DARS2: variants seen among roughly 807,000 people sequenced by gnomAD.
DARS2 encodes the protein aspartate--tRNA ligase, mitochondrial.
A neutral mutation model predicts 83.0 loss-of-function variants in DARS2; 63 were observed. The ratio of observed to expected loss-of-function variants is 0.76; its 90% CI spans 0.62 to 0.94. The LOEUF (loss-of-function observed/expected upper bound fraction) is 0.94, where lower values mean the gene tolerates loss of function less well. Among genes scored for constraint, DARS2 ranks in the 40% least tolerant of loss-of-function variants. The pLI is 0.00. For synonymous variants in DARS2, 250 were observed against 269.3 expected (o/e 0.93, Z 0.70); for missense variants, 675 against 774.4 (o/e 0.87, Z 1.52).
rs140743566 is a variant in DARS2, at chr1:173,858,347, C to A, written c.*642C>A. ...ATACATACTTGCCCTGGCTACCTCACCGGGCTGTTATTGCTGGAATCAGAG... is the reference window on the plus strand; with the variant it reads ...ATACATACTTGCCCTGGCTACCTCAACGGGCTGTTATTGCTGGAATCAGAG... On this transcript the variant is annotated 3_prime_UTR_variant, in exon 17 of 17. Coordinates refer to ENST00000649689, the MANE Select transcript of DARS2 (RefSeq NM_018122.5). The A allele has an allele frequency of 3.9e-3, 596 of 153,854 alleles. 15 individuals are homozygous for A. The highest frequency in any genetic ancestry group is 0.032 in the Admixed American group (497 of 15,612). The allele number at this position is 153,854 out of a possible 1,614,324, so 9.5% of individuals were successfully genotyped here. A position where few individuals can be genotyped will look rare whatever the true frequency, so the allele number is the denominator to read the frequency against.
rs375997788 is a variant in DARS2, at chr1:173,845,178, A to T, written c.1129-51A>T. The T allele has an allele frequency of 8.4e-4, 893 of 1,061,894 alleles. 1 individual carries two copies. Among genetic ancestry groups the T allele is most frequent in the Non-Finnish European group, 1.2e-3 (843 of 678,624 alleles). The allele number at this position is 1,061,894 out of a possible 1,614,324, so 65.8% of individuals were successfully genotyped here. On this transcript the variant is annotated intron_variant, in intron 11 of 16. Transcript: ENST00000649689. ...GTCATTTGATCGCATAACCATGTTT[A>T]TGAAGCTAAGTGTCATACTGACAAG...
intron 15 of DARS2, among the ~76,000 whole-genome samples, chr1:173,855,062 C>T (rs11588549): frequency 0.055 from 8,307 of 151,884 alleles, 329 homozygotes; most frequent in Non-Finnish European, 0.084. Context: ...AGCTTTAAGC[C>T]TTCAGAGTCC....
Position 173,826,787 on chromosome 1 carries a change from G to C in DARS2, c.227+1G>C. ...TGTGTGGATGGATTCAGTACCGAAG[G>C]TAAATTGAGAAAGACAGTCTAAGAA... is the stretch of plus-strand genomic sequence containing the variant. On this transcript the variant is annotated splice_donor_variant, in intron 2 of 16. Coordinates refer to ENST00000649689, the MANE Select transcript of DARS2 (RefSeq NM_018122.5). LOFTEE classifies it high-confidence loss of function. 6.2e-7 allele frequency: 1 copy of C among 1,606,802 alleles called. No individual in the cohort carries two copies.
chr1:173,833,168 A>G lies in DARS2; in HGVS notation c.493-208A>G, dbSNP rs1209055609. 1.3e-5 allele frequency among the ~76,000 whole-genome samples: 2 copies of G among 152,184 alleles called. 1 individual carries two copies. The highest frequency in any genetic ancestry group is 2.9e-5 in the Non-Finnish European group (2 of 68,024). On this transcript the variant is annotated intron_variant, in intron 5 of 16. Transcript: ENST00000649689. Reference sequence around the variant, plus strand: ...GGCAAATTTCAGTCAGTGAAGAGTGATATTATTAATAATGAATAGTAAAAA... The same window carrying G: ...GGCAAATTTCAGTCAGTGAAGAGTGGTATTATTAATAATGAATAGTAAAAA...
At chr1:173,850,257 T>G in intron 12 of DARS2, 70 bp from the exon 13 acceptor site, 2 of 1,453,094 alleles carry the variant, frequency 1.4e-6, no homozygotes, top group Non-Finnish European at 1.8e-6. Flanking sequence ...CTTTGTATTA[T>G]AAGAAGATAA....
At position 173,833,403 on chromosome 1, in the gene DARS2, C is replaced by G; in HGVS notation, c.520C>G (p.Arg174Gly). The G allele has an allele frequency of 6.2e-7, 1 of 1,611,420 alleles. No homozygotes were observed. ...KKTEALRLQYRYLDLRSFQMQ... is the reference protein window; with the variant it reads ...KKTEALRLQYGYLDLRSFQMQ... The stretch of plus-strand genomic sequence containing the variant: ...AACAGAGGCTCTTCGGTTGCAGTAT[C>G]GCTACTTAGACTTGCGTAGTTTCCA... Residue 174 changes from arginine to glycine, a missense_variant, in exon 6 of 17, where the codon CGC (arginine) becomes GGC (glycine). By Grantham distance (125) the Arg-to-Gly change is moderately radical. Transcript: ENST00000649689.
intron 13 of DARS2, chr1:173,851,971 T>C (rs1284833949): frequency 1.0e-6 from 1 of 985,330 alleles, no homozygotes; most frequent in Non-Finnish European, 1.2e-6. Flanking sequence ...CATGGGATTT[T>C]GTTCCTAACT....
At position 173,853,909 on chromosome 1, in the gene DARS2, A is replaced by G. The variant is rs909052043; in HGVS notation, c.1674+4A>G. The G allele has an allele frequency of 4.4e-6, 7 of 1,606,158 alleles. No homozygotes were observed. The highest frequency in any genetic ancestry group is 6.0e-6 in the Non-Finnish European group (7 of 1,172,722). On this transcript the variant is annotated splice_donor_region_variant and intron_variant, in intron 15 of 16. Coordinates refer to ENST00000649689, the MANE Select transcript of DARS2 (RefSeq NM_018122.5). ...TATCCTGGCAACCTTACTAAAGGTA[A>G]CAAACATCATCTGCTATCCTGGGCT... is the stretch of plus-strand genomic sequence containing the variant.
At chr1:173,837,096 A>G (rs1160671746) in intron 8 of DARS2, 50 bp downstream of exon 8, 2 of 1,490,004 alleles carry the variant, frequency 1.3e-6, no homozygotes, top group Admixed American at 1.7e-5. Flanking sequence ...AGAGAAAAAC[A>G]AAGGGAAAAA....
intron 4 of DARS2, among the ~76,000 whole-genome samples, chr1:173,831,092 T>A (rs527586607): frequency 1.3e-5 from 2 of 152,058 alleles, no homozygotes; most frequent in Non-Finnish European, 2.9e-5. Flanking sequence ...AATTTTTATA[T>A]TTTTAGCAGA....
intron 15 of DARS2, among the ~76,000 whole-genome samples, chr1:173,854,492 C>T (rs1653791123): frequency 2.0e-5 from 3 of 152,014 alleles, no homozygotes; most frequent in South Asian, 4.2e-4. Flanking sequence ...ATTAAATACC[C>T]TTATTATAAT....
At chr1:173,847,569 A>G (rs1653482487) in intron 12 of DARS2, among the ~76,000 whole-genome samples, 1 of 151,924 alleles carries the variant, frequency 6.6e-6, no homozygotes, top group Non-Finnish European at 1.5e-5. Context: ...CTTTCAGAAG[A>G]TCTTATGTGT....
In DARS2 at chr1:173,840,965, G is replaced by A. The variant is rs1423230037; in HGVS notation, c.1120G>A (p.Glu374Lys). The change falls in exon 11 of 17, where the codon GAA becomes AAA. Residue 374 changes from glutamate (E) to lysine (K), a missense_variant. Coordinates refer to ENST00000649689, the MANE Select transcript of DARS2 (RefSeq NM_018122.5). ...AACTGTGAAAGCCATATGTATCCCT[G>A]AAGGAGCAGTAAGTGAAGTACAGTT... Reference protein sequence around the residue: ...HGTVKAICIPEGAKYLKRKDI... With the variant: ...HGTVKAICIPKGAKYLKRKDI... The A allele has an allele frequency of 6.3e-7, 1 of 1,589,424 alleles. No homozygotes were observed. The highest frequency in any genetic ancestry group is 1.7e-5 in the Admixed American group (1 of 59,996).
intron 12 of DARS2, among the ~76,000 whole-genome samples, chr1:173,848,281 T>C (rs1202765419): frequency 6.6e-6 from 1 of 152,188 alleles, no homozygotes; most frequent in Non-Finnish European, 1.5e-5. Context: ...ACTTACTGAG[T>C]TCTTACAAAA....
At chr1:173,829,322 T>C (rs1170104957) in intron 3 of DARS2, among the ~76,000 whole-genome samples, 1 of 152,012 alleles carries the variant, frequency 6.6e-6, no homozygotes, top group East Asian at 1.9e-4. Context: ...ACTGAGGGCG[T>C]TGAAAACAAG....
chr1:173,834,082 A>G (rs2102641907), intron 6 of DARS2, among the ~76,000 whole-genome samples: 1 of 152,216 alleles, frequency 6.6e-6, no homozygotes, highest in East Asian at 1.9e-4. Context: ...ATTCTTTATC[A>G]TGTGCATACA....
chr1:173,842,467 T>A lies in DARS2; in HGVS notation c.1128+1494T>A, dbSNP rs905491833. Among the ~76,000 whole-genome samples, 8 of 148,760 alleles carry A rather than the reference T, an allele frequency of 5.4e-5. No homozygotes were observed. In the East Asian group the frequency reaches 1.6e-3, roughly 29 times the overall value. The stretch of plus-strand genomic sequence containing the variant: ...GCGTATGCCACCATGCCCAGCTAAG[T>A]TTTTTTTGTATTTTTAGTAGAGATG... On this transcript the variant is annotated intron_variant, in intron 11 of 16. Transcript: ENST00000649689.
chr1:173,857,654 TCATA>T lies in DARS2; in HGVS notation c.1888_1891del (p.His630SerfsTer27). ...TCCCTCCTGAGGAACTGAAGCCCTA[TCATA>T]TCCGAGTCTCCAAGCCAACAGACTC... On this transcript the variant is annotated frameshift_variant, in exon 17 of 17. Transcript: ENST00000649689. LOFTEE classifies it high-confidence loss of function. 3.1e-6 allele frequency: 5 copies of T among 1,614,082 alleles called. No homozygotes were observed. The highest frequency in any genetic ancestry group is 4.2e-6 in the Non-Finnish European group (5 of 1,180,002).
At chr1:173,826,836 G>A (rs370724180) in intron 2 of DARS2, 50 bp downstream of exon 2, 134 of 1,352,820 alleles carry the variant, frequency 9.9e-5, no homozygotes, top group Admixed American at 8.4e-5. Flanking sequence ...TTTTCCCAGG[G>A]CAATTCCAAA....
Sources: gnomAD v4.1 joint callset for allele counts (sites outside exome capture counted in the v4.1 genomes callset) on GRCh38, gnomAD v4.1.1 for gene constraint, MANE v1.5 for transcripts, NCBI Gene and HGNC (gene_info 2026-07-23, HGNC 2026-07-21) for gene names.